Variants in PPARGC1A observed in about 807,000 individuals in gnomAD.
PPARGC1A encodes PPARG coactivator 1 alpha, also known as peroxisome proliferator-activated receptor gamma coactivator 1-alpha.
Under a neutral mutation model 88.7 loss-of-function variants are expected in PPARGC1A, and 25 were observed. The observed-to-expected ratio is 0.28, with a 90% CI of 0.21 to 0.39. PPARGC1A has a LOEUF of 0.39. PPARGC1A is among the 10% of genes least tolerant of loss of function. PPARGC1A has a pLI of 1.00. For missense variants in PPARGC1A, 880 were observed against 968.7 expected, an observed-to-expected ratio of 0.91 and a Z score of 1.22; for synonymous variants, 363 against 355.6, an observed-to-expected ratio of 1.02 and a Z score of -0.24.
the PPARGC1A span, among the ~76,000 whole-genome samples, chr4:24,011,015 G>A: frequency 1.4e-4 from 21 of 152,124 alleles, no homozygotes; most frequent in Non-Finnish European, 2.8e-4. Flanking sequence ...GGTTTCTCTG[G>A]GGAATGTGCT....
the PPARGC1A span, among the ~76,000 whole-genome samples, chr4:24,025,881 G>A: frequency 7.4e-3 from 1,131 of 152,172 alleles, 13 homozygotes; most frequent in African/African-American, 0.025. Flanking sequence ...ATGTGTCCTG[G>A]AGCTGTAACT....
chr4:24,429,131 C>T, the PPARGC1A span, among the ~76,000 whole-genome samples: 1 of 152,250 alleles, frequency 6.6e-6, no homozygotes, highest in Admixed American at 6.5e-5. Context: ...AGTAAATACA[C>T]AAAAGTGGTA....
Position 23,792,332 on chromosome 4 carries a change from A to G in PPARGC1A, c.*3490T>C, listed in dbSNP as rs544724854. 6.5e-6 allele frequency: 1 copy of G among 152,732 alleles called. No individual in the cohort carries two copies. Among genetic ancestry groups the G allele is most frequent in the South Asian group, 2.1e-4 (1 of 4,832 alleles). The allele number at this position is 152,732 out of a possible 1,614,324, so 9.5% of individuals were successfully genotyped here. On this transcript the variant is annotated 3_prime_UTR_variant, in exon 13 of 13. Transcript: ENST00000264867. ...AATCATCACATTATAGTACATGGCT[A>G]TTCTAGGTCATCTATAGATCAGGTC...
At position 23,812,805 on chromosome 4, in the gene PPARGC1A, T is replaced by C. The variant is rs763643344; in HGVS notation, c.1961A>G (p.Tyr654Cys). ...RLKREEYRRE[Y>C]EKRESERAKQ... The stretch of plus-strand genomic sequence containing the variant: ...GGCCCTCTCAGACTCTCGCTTCTCA[T>C]ACTCTCTGCGATATTCTTCCCTCTT... The change falls in exon 10 of 13, where the codon TAT (tyrosine) becomes TGT (cysteine). Residue 654 changes from tyrosine to cysteine, a missense_variant. Transcript: ENST00000264867. The C allele has an allele frequency of 8.7e-6, 14 of 1,613,954 alleles. No homozygotes were observed. The highest frequency in any genetic ancestry group is 1.6e-4 in the Middle Eastern group (1 of 6,084).
At chr4:24,415,905 T>C in the PPARGC1A span, among the ~76,000 whole-genome samples, 128 of 152,312 alleles carry the variant, frequency 8.4e-4, no homozygotes, top group African/African-American at 2.9e-3. Context: ...TTGAGAAAGA[T>C]ACAAGCTCCT....
the PPARGC1A span, among the ~76,000 whole-genome samples, chr4:24,285,692 C>A: frequency 3.3e-5 from 5 of 152,208 alleles, no homozygotes; most frequent in Non-Finnish European, 7.3e-5. Flanking sequence ...GTTAAACTAC[C>A]TATTCTTGCA....
chr4:23,891,954 A>G (rs181207127), upstream of PPARGC1A, among the ~76,000 whole-genome samples: 657 of 152,328 alleles, frequency 4.3e-3, 5 homozygotes, highest in Middle Eastern at 0.01. Flanking sequence ...CTCTGCCCTC[A>G]AGGATCAACT....
chr4:24,103,385 T>G, the PPARGC1A span, among the ~76,000 whole-genome samples: 1 of 151,748 alleles, frequency 6.6e-6, no homozygotes, highest in Non-Finnish European at 1.5e-5. Context: ...GCTGATAATA[T>G]AGAGATCCAC....
chr4:23,835,466 T>TTGTGTGTGTGTGTGTGTG (rs145407468), intron 2 of PPARGC1A, among the ~76,000 whole-genome samples: 28 of 135,364 alleles, frequency 2.1e-4, no homozygotes, highest in Admixed American at 9.0e-4. Flanking sequence ...GCATGGCGGC[T>TTGTGTGTGTGTGTGTGTG]TGTGTGTGTG....
At position 23,889,974 on chromosome 4, in the gene PPARGC1A, G is replaced by A. The variant is rs777085736; in HGVS notation, c.-17C>T. On this transcript the variant is annotated 5_prime_UTR_variant, in exon 1 of 13. Transcript: ENST00000264867. ...CCACGCCATCCAGCTCCTGAATGAC[G>A]CCAGTCAAGCTTTTTCAACTCCAAT... 2 of 1,613,344 alleles carry A rather than the reference G, an allele frequency of 1.2e-6. No homozygotes were observed. The highest frequency in any genetic ancestry group is 1.7e-5 in the Admixed American group (1 of 59,984).
chr4:24,286,808 G>A, the PPARGC1A span, among the ~76,000 whole-genome samples: 72,055 of 151,834 alleles, frequency 0.47, 17,415 homozygotes, highest in Non-Finnish European at 0.52. Flanking sequence ...AGGAATTCGG[G>A]CTCAGGGTCT....
the PPARGC1A span, among the ~76,000 whole-genome samples, chr4:24,139,508 T>C: frequency 1.3e-5 from 2 of 152,152 alleles, no homozygotes; most frequent in Non-Finnish European, 2.9e-5. Flanking sequence ...GTAAAAAACA[T>C]TTTTTACAGA....
the PPARGC1A span, among the ~76,000 whole-genome samples, chr4:24,028,717 T>C: frequency 6.6e-6 from 1 of 152,176 alleles, no homozygotes; most frequent in Non-Finnish European, 1.5e-5. Context: ...GAAATAAGCC[T>C]CCTCAGAATG....
chr4:23,886,514 C>G (rs913519353), intron 1 of PPARGC1A, among the ~76,000 whole-genome samples: 1 of 152,064 alleles, frequency 6.6e-6, no homozygotes, highest in Non-Finnish European at 1.5e-5. Flanking sequence ...GCAGCAGGGA[C>G]AAGGGAATGC....
chr4:24,467,330 G>T, the PPARGC1A span, among the ~76,000 whole-genome samples: 3 of 152,204 alleles, frequency 2.0e-5, no homozygotes, highest in Non-Finnish European at 2.9e-5. Flanking sequence ...TTTAAGGTAA[G>T]AACGTAGAAA....
the PPARGC1A span, among the ~76,000 whole-genome samples, chr4:23,948,242 C>A: frequency 6.6e-6 from 1 of 152,108 alleles, no homozygotes; most frequent in Admixed American, 6.6e-5. Flanking sequence ...TCAAGGGGCT[C>A]AGCATTTAGC....
At chr4:23,818,162 G>C (rs983984663) in intron 7 of PPARGC1A, among the ~76,000 whole-genome samples, 3 of 152,060 alleles carry the variant, frequency 2.0e-5, no homozygotes, top group African/African-American at 4.8e-5. Context: ...TATTTCCTGC[G>C]TGTTGATTTT....
intron 2 of PPARGC1A, among the ~76,000 whole-genome samples, chr4:23,845,377 T>C (rs903092982): frequency 6.6e-6 from 1 of 152,122 alleles, no homozygotes; most frequent in Non-Finnish European, 1.5e-5. Flanking sequence ...CAAGATAATA[T>C]GTGAAACTGT....
the PPARGC1A span, among the ~76,000 whole-genome samples, chr4:24,089,533 C>A: frequency 1.4e-4 from 17 of 123,476 alleles, 1 homozygote; most frequent in African/African-American, 5.9e-4. Context: ...TTTTTTGAGA[C>A]GGAGTCTTGC....
Sources: allele counts gnomAD v4.1 joint callset (sites outside exome capture counted in the v4.1 genomes callset), GRCh38; gene constraint gnomAD v4.1.1; transcripts MANE v1.5; gene names NCBI Gene and HGNC (gene_info 2026-07-23, HGNC 2026-07-21).